The following ZNF521 variants were observed in gnomAD, a reference collection of about 807,000 sequenced individuals.
The protein encoded by ZNF521 is LYST-interacting protein 3.
In ZNF521, 14 loss-of-function variants were observed where a neutral mutation model predicts 105.5. That is an observed-to-expected ratio of 0.13 (90% confidence interval 0.09 to 0.21). The LOEUF (loss-of-function observed/expected upper bound fraction) is 0.21. ZNF521 is among the 10% of genes least tolerant of loss of function. The probability of loss-of-function intolerance (pLI) is 1.00; values close to 1 mark genes in which losing one functional copy is unlikely to be tolerated. For synonymous variants in ZNF521, 635 were observed against 606.0 expected (o/e 1.05, Z -0.70); for missense variants, 1,233 against 1,629.7 (o/e 0.76, Z 4.19).
chr18:25,188,755 G>A (rs764804895), intron 5 of ZNF521, among the ~76,000 whole-genome samples: 4 of 152,152 alleles, frequency 2.6e-5, no homozygotes, highest in South Asian at 2.1e-4. Flanking sequence ...TCTTCCTAGC[G>A]TCTCTGTGCT....
chr18:25,245,875 G>A (rs1200899650), intron 3 of ZNF521, among the ~76,000 whole-genome samples: 1 of 152,124 alleles, frequency 6.6e-6, no homozygotes, highest in Non-Finnish European at 1.5e-5. Context: ...AGCCAGATGT[G>A]ATGGTACATG....
intron 2 of ZNF521, among the ~76,000 whole-genome samples, chr18:25,336,663 C>A (rs1913899469): frequency 1.3e-5 from 2 of 152,166 alleles, no homozygotes; most frequent in Admixed American, 1.3e-4. Context: ...AGGTACCTGT[C>A]GTGGCAGACT....
intron 2 of ZNF521, among the ~76,000 whole-genome samples, chr18:25,324,662 T>C (rs1426131568): frequency 6.6e-6 from 1 of 152,210 alleles, no homozygotes; most frequent in African/African-American, 2.4e-5. Context: ...TTTAATATGA[T>C]TATTTAAATG....
intron 4 of ZNF521, among the ~76,000 whole-genome samples, chr18:25,200,253 A>C (rs2035969672): frequency 6.6e-6 from 1 of 152,176 alleles, no homozygotes; most frequent in South Asian, 2.1e-4. Context: ...AAAGTAACTT[A>C]CGAGAGCGAA....
intron 5 of ZNF521, among the ~76,000 whole-genome samples, chr18:25,178,533 A>C (rs1486386276): frequency 1.3e-5 from 2 of 152,194 alleles, no homozygotes; most frequent in Admixed American, 1.3e-4. Flanking sequence ...ATTTACCCTG[A>C]ATTTATCCAT....
At chr18:25,212,260 C>T (rs916693832) in intron 4 of ZNF521, among the ~76,000 whole-genome samples, 1 of 151,192 alleles carries the variant, frequency 6.6e-6, no homozygotes, top group Non-Finnish European at 1.5e-5. Flanking sequence ...GCCTGTAATC[C>T]TAGCACTTTG....
intron 2 of ZNF521, among the ~76,000 whole-genome samples, chr18:25,343,102 T>C (rs1568089885): frequency 6.6e-6 from 1 of 152,252 alleles, no homozygotes; most frequent in African/African-American, 2.4e-5. Context: ...TGTATGAATA[T>C]ATGGAACTGT....
At chr18:25,117,926 C>A (rs928595052) in intron 5 of ZNF521, among the ~76,000 whole-genome samples, 1 of 151,982 alleles carries the variant, frequency 6.6e-6, no homozygotes, top group South Asian at 2.1e-4. Context: ...AAGAAAACCA[C>A]ATAAGCATAT....
chr18:25,275,722 A>C (rs980216664), intron 3 of ZNF521, among the ~76,000 whole-genome samples: 1 of 152,128 alleles, frequency 6.6e-6, no homozygotes, highest in African/African-American at 2.4e-5. Flanking sequence ...AAACAAATCT[A>C]AGGAAAGGAA....
chr18:25,276,519 G>A (rs1432008205), intron 3 of ZNF521, among the ~76,000 whole-genome samples: 1 of 152,156 alleles, frequency 6.6e-6, no homozygotes, highest in Non-Finnish European at 1.5e-5. Flanking sequence ...CTGAATACAT[G>A]GAGACAGAGA....
intron 7 of ZNF521, among the ~76,000 whole-genome samples, chr18:25,072,101 C>A (rs2033240301): frequency 6.6e-6 from 1 of 152,198 alleles, no homozygotes; most frequent in African/African-American, 2.4e-5. Context: ...CCTATTTTCA[C>A]CACATTTTGC....
At chr18:25,158,955 TA>T (rs576679986) in intron 5 of ZNF521, among the ~76,000 whole-genome samples, 304 of 136,362 alleles carry the variant, frequency 2.2e-3, no homozygotes, top group Non-Finnish European at 2.4e-3. Context: ...GACTCCATCT[TA>T]AAAAAAAAAA....
At chr18:25,211,450 G>A (rs950031905) in intron 4 of ZNF521, among the ~76,000 whole-genome samples, 4 of 152,066 alleles carry the variant, frequency 2.6e-5, no homozygotes, top group African/African-American at 4.8e-5. Context: ...CAGACAATCC[G>A]TTACTCTTTC....
intron 7 of ZNF521, among the ~76,000 whole-genome samples, chr18:25,064,819 A>G (rs1355734881): frequency 3.3e-5 from 5 of 152,214 alleles, no homozygotes; most frequent in Non-Finnish European, 7.3e-5. Flanking sequence ...TCATTTTTGA[A>G]AAAGATGGAT....
At chr18:25,129,847 C>G (rs1255911774) in intron 5 of ZNF521, among the ~76,000 whole-genome samples, 1 of 152,130 alleles carries the variant, frequency 6.6e-6, no homozygotes, top group Non-Finnish European at 1.5e-5. Flanking sequence ...CAAATGCTGG[C>G]AATGATGCTG....
chr18:25,299,842 TAAGA>T (rs1911532143), intron 3 of ZNF521, among the ~76,000 whole-genome samples: 1 of 152,194 alleles, frequency 6.6e-6, no homozygotes, highest in Non-Finnish European at 1.5e-5. Flanking sequence ...GAAATGATAA[TAAGA>T]GAGACTCTGA....
intron 2 of ZNF521, among the ~76,000 whole-genome samples, chr18:25,323,604 G>C (rs762715258): frequency 1.3e-5 from 2 of 151,978 alleles, no homozygotes; most frequent in Non-Finnish European, 2.9e-5. Flanking sequence ...GCCATGCCCA[G>C]CTATTTAACA....
chr18:25,347,266 TTGTC>T (rs1914503519), intron 2 of ZNF521, among the ~76,000 whole-genome samples: 1 of 152,208 alleles, frequency 6.6e-6, no homozygotes, highest in South Asian at 2.1e-4. Context: ...ACTCATTTAA[TTGTC>T]TGTCCATCCA....
intron 2 of ZNF521, among the ~76,000 whole-genome samples, chr18:25,338,490 G>C (rs1201671588): frequency 6.6e-6 from 1 of 151,780 alleles, no homozygotes; most frequent in African/African-American, 2.4e-5. Context: ...TCGACTCACT[G>C]CAACCTCCAC....
Sources: gnomAD v4.1 joint callset for allele counts (sites outside exome capture counted in the v4.1 genomes callset) on GRCh38, gnomAD v4.1.1 for gene constraint, MANE v1.5 for transcripts, NCBI Gene and HGNC (gene_info 2026-07-23, HGNC 2026-07-21) for gene names.